MED13L: variants seen among roughly 807,000 people sequenced by gnomAD.
The protein encoded by MED13L is mediator complex subunit 13L, also known as mediator of RNA polymerase II transcription subunit 13-like.
MED13L carries 7 observed loss-of-function variants against 220.9 expected under a neutral mutation model. The ratio of observed to expected loss-of-function variants is 0.03; its 90% CI spans 0.02 to 0.06. The LOEUF is 0.06. Among genes scored for constraint, MED13L ranks in the 10% least tolerant of loss-of-function variants. The probability of loss-of-function intolerance (pLI) is 1.00; values close to 1 mark genes in which losing one functional copy is unlikely to be tolerated. For missense variants in MED13L, 1,965 were observed against 2,760.5 expected, an observed-to-expected ratio of 0.71 and a Z score of 6.46; for synonymous variants, 1,011 against 1,015.2, an observed-to-expected ratio of 1.00 and a Z score of 0.08.
At chr12:116,104,552 A>G (rs1873388926) in intron 3 of MED13L, among the ~76,000 whole-genome samples, 1 of 152,236 alleles carries the variant, frequency 6.6e-6, no homozygotes, top group Non-Finnish European at 1.5e-5. Context: ...ACCATGGGGT[A>G]AATATGCTAA....
chr12:115,979,998 G>A (rs1469957981), intron 23 of MED13L, among the ~76,000 whole-genome samples: 3 of 152,124 alleles, frequency 2.0e-5, no homozygotes, highest in Non-Finnish European at 2.9e-5. Flanking sequence ...ACTGAGGCAA[G>A]GAAAGGAGAA....
intron 4 of MED13L, among the ~76,000 whole-genome samples, chr12:116,057,878 C>T (rs1265381390): frequency 1.3e-5 from 2 of 151,900 alleles, no homozygotes. Context: ...AAAATAAAGT[C>T]TTATTTTAAA....
At chr12:116,029,465 C>A (rs1475085717) in intron 4 of MED13L, among the ~76,000 whole-genome samples, 6 of 151,786 alleles carry the variant, frequency 4.0e-5, no homozygotes, top group Admixed American at 6.6e-5. Flanking sequence ...ACAAAGATTA[C>A]CAGAGTAGCT....
chr12:116,200,365 A>T (rs1372789285), intron 2 of MED13L, among the ~76,000 whole-genome samples: 1 of 152,190 alleles, frequency 6.6e-6, no homozygotes, highest in African/African-American at 2.4e-5. Context: ...ACACATTGCA[A>T]GACATTAATT....
chr12:116,183,398 C>T (rs776410408), intron 2 of MED13L, among the ~76,000 whole-genome samples: 1 of 152,100 alleles, frequency 6.6e-6, no homozygotes, highest in African/African-American at 2.4e-5. Flanking sequence ...AAATTTATAA[C>T]GTCAATCTGT....
At chr12:116,093,088 A>G (rs556331147) in intron 4 of MED13L, among the ~76,000 whole-genome samples, 32 of 152,228 alleles carry the variant, frequency 2.1e-4, no homozygotes, top group Non-Finnish European at 3.1e-4. Context: ...AGATTAAATT[A>G]GAAAACAAAT....
chr12:116,019,615 G>A (rs948026208), intron 6 of MED13L, among the ~76,000 whole-genome samples, 163 bp downstream of exon 6: 1 of 152,084 alleles, frequency 6.6e-6, no homozygotes, highest in Non-Finnish European at 1.5e-5. Context: ...AGGACCAAGG[G>A]TGCTTCAGGC....
intron 2 of MED13L, among the ~76,000 whole-genome samples, chr12:116,122,400 T>C (rs1455054597): frequency 6.6e-6 from 1 of 152,308 alleles, no homozygotes; most frequent in East Asian, 1.9e-4. Context: ...AGTTGCCTGG[T>C]AGAATCTATA....
rs116495885 is a variant in MED13L at position 116,139,749 on chromosome 12, C to T, written c.311-28237G>A. ...GTGGCTCACGTCTGTAATGCCAGTA[C>T]TCCTGAGGTCAGGAGTTCGAAGCCA... On this transcript the variant is annotated intron_variant, in intron 2 of 30. Transcript: ENST00000281928. 6.9e-3 allele frequency among the ~76,000 whole-genome samples: 1,042 copies of T among 151,912 alleles called. 14 individuals carry two copies. The highest frequency in any genetic ancestry group is 0.024 in the African/African-American group (979 of 41,444).
At chr12:116,155,505 T>C (rs562774051) in intron 2 of MED13L, among the ~76,000 whole-genome samples, 10 of 152,230 alleles carry the variant, frequency 6.6e-5, no homozygotes, top group Non-Finnish European at 1.3e-4. Flanking sequence ...CGATGAAAGG[T>C]CAACAGTCTT....
At chr12:116,245,944 A>T (rs1871059325) in intron 1 of MED13L, among the ~76,000 whole-genome samples, 1 of 152,198 alleles carries the variant, frequency 6.6e-6, no homozygotes, top group South Asian at 2.1e-4. Flanking sequence ...ATGGATTAAG[A>T]AAGACTCGCG....
chr12:116,200,853 A>G (rs917752832), intron 2 of MED13L, among the ~76,000 whole-genome samples: 2 of 152,212 alleles, frequency 1.3e-5, no homozygotes, highest in Non-Finnish European at 2.9e-5. Flanking sequence ...TATCATAATA[A>G]TTCCTATGAC....
At position 115,975,507 on chromosome 12, in the gene MED13L, C is replaced by A; in HGVS notation, c.5588+8G>T. The A allele has an allele frequency of 1.2e-6, 2 of 1,611,580 alleles. No individual in the cohort carries two copies. The highest frequency in any genetic ancestry group is 1.1e-5 in the South Asian group (1 of 91,020). ...TTTACATGCACCATAAACATCAAGT[C>A]TTCTCACCTGTTTGGTAAAGCAATA... On this transcript the variant is annotated splice_region_variant and intron_variant, in intron 24 of 30. Transcript: ENST00000281928.
chr12:116,269,025 T>C (rs1873049996), intron 1 of MED13L, among the ~76,000 whole-genome samples: 1 of 152,188 alleles, frequency 6.6e-6, no homozygotes, highest in South Asian at 2.1e-4. Flanking sequence ...GGTGACTCGC[T>C]GCACAGATTA....
intron 1 of MED13L, among the ~76,000 whole-genome samples, chr12:116,256,645 G>C (rs924562280): frequency 1.4e-5 from 2 of 146,576 alleles, no homozygotes; most frequent in African/African-American, 5.0e-5. Flanking sequence ...ATTAATGGAA[G>C]AATACATGTA....
intron 2 of MED13L, among the ~76,000 whole-genome samples, chr12:116,186,179 CATAGCT>C (rs1038991131): frequency 1.3e-5 from 2 of 152,174 alleles, no homozygotes; most frequent in Non-Finnish European, 2.9e-5. Context: ...ATTAACATAG[CATAGCT>C]ATAATTATTG....
Position 115,983,358 on chromosome 12 carries a change from T to C in MED13L, c.4714A>G (p.Asn1572Asp). 1 of 1,614,214 alleles carries C rather than the reference T, an allele frequency of 6.2e-7. No homozygotes were observed. The highest frequency in any genetic ancestry group is 2.2e-5 in the East Asian group (1 of 44,884). ...GATGCAGAACTACTTGCTGCAGGATTTGTAGAACTACTATTCGAGGTGGGA... is the reference window on the plus strand; with the variant it reads ...GATGCAGAACTACTTGCTGCAGGATCTGTAGAACTACTATTCGAGGTGGGA... ...FNPTSNSSST[N>D]PAASSSASGS... Residue 1572 changes from asparagine (N) to aspartate (D), a missense_variant, in exon 21 of 31, where the codon AAT becomes GAT. Around this residue, in one of 10 missense-constraint regions of MED13L, gnomAD observed 510 missense variants for 620.4 expected, o/e 0.82. Transcript: ENST00000281928.
chr12:116,101,027 C>T (rs953566893), intron 3 of MED13L, among the ~76,000 whole-genome samples: 5 of 152,184 alleles, frequency 3.3e-5, no homozygotes, highest in South Asian at 4.1e-4. Flanking sequence ...TGGTCAACTA[C>T]GAAGCATGTC....
chr12:116,165,707 G>C (rs565093740), intron 2 of MED13L, among the ~76,000 whole-genome samples: 1 of 152,006 alleles, frequency 6.6e-6, no homozygotes, highest in South Asian at 2.1e-4. Context: ...TTCCTGTCTC[G>C]TTGCCCAACC....
Sources: allele counts gnomAD v4.1 joint callset (sites outside exome capture counted in the v4.1 genomes callset), GRCh38; gene constraint gnomAD v4.1.1; regional missense constraint gnomAD v4.1.1; transcripts MANE v1.5; gene names NCBI Gene and HGNC (gene_info 2026-07-23, HGNC 2026-07-21).